D2HGDH: variants seen among roughly 807,000 people sequenced by gnomAD.
The protein encoded by D2HGDH is D-2-hydroxyglutarate dehydrogenase, mitochondrial.
A neutral mutation model predicts 46.9 loss-of-function variants in D2HGDH; 31 were observed. The ratio of observed to expected loss-of-function variants is 0.66; its 90% CI spans 0.50 to 0.89. The LOEUF is 0.89. D2HGDH is among the 40% of genes least tolerant of loss of function. The pLI, the probability that D2HGDH is intolerant of heterozygous loss-of-function variation, is 0.00. For missense variants in D2HGDH, 698 were observed against 720.8 expected, an observed-to-expected ratio of 0.97 and a Z score of 0.36; for synonymous variants, 364 against 332.6, an observed-to-expected ratio of 1.09 and a Z score of -1.03.
rs181005251 is a variant in D2HGDH, at chr2:241,757,544, A to C, written c.1306+1530A>C. On this transcript the variant is annotated intron_variant, in intron 9 of 9. Transcript: ENST00000321264. Reference sequence around the variant, plus strand: ...AGGGGTACGGGATCCCCAATATTTCAGAATATGACCTCAAGCCAGGAGGAG... The same window carrying C: ...AGGGGTACGGGATCCCCAATATTTCCGAATATGACCTCAAGCCAGGAGGAG... Among the ~76,000 whole-genome samples, 124 of 152,290 alleles carry C rather than the reference A, an allele frequency of 8.1e-4. 1 individual carries two copies. The highest frequency in any genetic ancestry group is 2.7e-3 in the African/African-American group (114 of 41,554).
intron 9 of D2HGDH, among the ~76,000 whole-genome samples, chr2:241,761,131 A>G (rs1698772541): frequency 2.0e-5 from 3 of 152,212 alleles, no homozygotes; most frequent in South Asian, 4.1e-4. Context: ...AGATTCAACC[A>G]TAAAAATAAC....
chr2:241,764,929 G>A (rs1412319005), intron 9 of D2HGDH, among the ~76,000 whole-genome samples: 1 of 152,170 alleles, frequency 6.6e-6, no homozygotes, highest in African/African-American at 2.4e-5. Context: ...TGACCTCTGA[G>A]GTCAGAAGAG....
At chr2:241,750,411 G>GA in intron 7 of D2HGDH, 117 bp downstream of exon 7, 1 of 1,106,434 alleles carries the variant, frequency 9.0e-7, no homozygotes. Flanking sequence ...GCGGGTGGGG[G>GA]GTCCCTGGGC....
chr2:241,754,231 GAGGCGAAAGCCGGCCTCGC>G (rs1159706765), intron 8 of D2HGDH, among the ~76,000 whole-genome samples: 2 of 152,252 alleles, frequency 1.3e-5, no homozygotes, highest in African/African-American at 4.8e-5. Flanking sequence ...CCAGACCATG[GAGGCGAAAGCCGGCCTCGC>G]AGCCGTGCCC....
intron 6 of D2HGDH, 101 bp downstream of exon 6, chr2:241,744,978 C>T: frequency 2.1e-6 from 3 of 1,421,546 alleles, no homozygotes; most frequent in Admixed American, 3.7e-5. Flanking sequence ...AGGGACCCCC[C>T]GCCAAGGACA....
At chr2:241,746,394 G>T (rs1575248411) in intron 6 of D2HGDH, among the ~76,000 whole-genome samples, 1 of 152,136 alleles carries the variant, frequency 6.6e-6, no homozygotes, top group African/African-American at 2.4e-5. Context: ...ATTTCTAAAA[G>T]TTTTGTTATT....
At chr2:241,736,200 A>G (rs1692767249) in intron 2 of D2HGDH, 1 of 152,398 alleles carries the variant, frequency 6.6e-6, no homozygotes, top group African/African-American at 2.4e-5. Context: ...AAAATAAATA[A>G]ATAAAAGTAG....
At chr2:241,759,397 G>A (rs1227926985) in intron 9 of D2HGDH, among the ~76,000 whole-genome samples, 4 of 152,194 alleles carry the variant, frequency 2.6e-5, no homozygotes, top group Non-Finnish European at 4.4e-5. Context: ...ATCTCCTAAC[G>A]CGATGGACTC....
chr2:241,744,797 C>T lies in D2HGDH; in HGVS notation c.773C>T (p.Ser258Leu), dbSNP rs754696671. The T allele has an allele frequency of 2.3e-5, 37 of 1,613,976 alleles. No homozygotes were observed. The highest frequency in any genetic ancestry group is 2.8e-5 in the Non-Finnish European group (33 of 1,180,002). The change falls in exon 6 of 10, where the codon TCG (serine) becomes TTG (leucine). Residue 258 changes from serine to leucine, a missense_variant. Ser to Leu is a moderately radical substitution (Grantham distance 145, BLOSUM62 -2). Coordinates refer to ENST00000321264, the MANE Select transcript of D2HGDH (RefSeq NM_152783.5). Reference protein sequence around the residue: ...GYDLKQLFIGSEGTLGIITTV... With the variant: ...GYDLKQLFIGLEGTLGIITTV... ...GACCTGAAGCAGCTGTTCATCGGGT[C>T]GGAGGGCACTTTGGGGATCATCACC...
In D2HGDH at chr2:241,735,220, C is replaced by G. The variant is rs1225046936; in HGVS notation, c.-5C>G. 4.6e-6 allele frequency: 7 copies of G among 1,508,104 alleles called. No homozygotes were observed. In the Admixed American group the frequency reaches 1.1e-4, roughly 23 times the overall value. 93.4% of individuals were successfully genotyped at this position (1,508,104 alleles called of 1,614,324 possible). ...GAGGAGCCCGAGGTCTCCGTCCCGGCGGCGATGCTGCCCCGTCGGCCTCTG... is the reference window on the plus strand; with the variant it reads ...GAGGAGCCCGAGGTCTCCGTCCCGGGGGCGATGCTGCCCCGTCGGCCTCTG... On this transcript the variant is annotated 5_prime_UTR_variant, in exon 2 of 10. Coordinates refer to ENST00000321264, the MANE Select transcript of D2HGDH (RefSeq NM_152783.5).
intron 2 of D2HGDH, among the ~76,000 whole-genome samples, chr2:241,740,712 C>T (rs1421084401): frequency 6.6e-6 from 1 of 152,126 alleles, no homozygotes; most frequent in African/African-American, 2.4e-5. Flanking sequence ...TTTGGGAGGC[C>T]GCAGTGGGCG....
Position 241,768,193 on chromosome 2 carries a change from T to C in D2HGDH, c.*224T>C, listed in dbSNP as rs1017054531. The C allele has an allele frequency of 2.4e-5, 17 of 698,170 alleles. No homozygotes were observed. In the East Asian group the frequency reaches 4.5e-4, roughly 18 times the overall value. 43.2% of individuals were successfully genotyped at this position (698,170 alleles called of 1,614,324 possible). A position where few individuals can be genotyped will look rare whatever the true frequency, so the allele number is the denominator to read the frequency against. ...AGGCACCCTCCTTTGCAGGGCGAGG[T>C]GGGGCCTCTGCAGCCATCCTGGACA... On this transcript the variant is annotated 3_prime_UTR_variant, in exon 10 of 10. Transcript: ENST00000321264.
At chr2:241,737,592 C>T (rs989277048) in intron 2 of D2HGDH, among the ~76,000 whole-genome samples, 2 of 152,162 alleles carry the variant, frequency 1.3e-5, no homozygotes, top group Admixed American at 6.5e-5. Context: ...TGGGGTCAAG[C>T]GATTTTCCTG....
intron 7 of D2HGDH, among the ~76,000 whole-genome samples, chr2:241,750,888 G>C (rs1441752767): frequency 6.6e-6 from 1 of 152,114 alleles, no homozygotes; most frequent in Admixed American, 6.6e-5. Context: ...CTCCTGAGTA[G>C]CTGGGATTAC....
Position 241,751,290 on chromosome 2 carries a change from G to A in D2HGDH, c.1042G>A (p.Gly348Ser), listed in dbSNP as rs779630303. 1.2e-6 allele frequency: 2 copies of A among 1,613,994 alleles called. No homozygotes were observed. The highest frequency in any genetic ancestry group is 1.7e-6 in the Non-Finnish European group (2 of 1,180,042). The change falls in exon 8 of 10, where the codon GGC becomes AGC. Residue 348 changes from glycine (G) to serine (S), a missense_variant. Transcript: ENST00000321264. The part of the protein sequence containing the change: ...VLIETSGSNA[G>S]HDAEKLGHFL... ...CATCGAGACTTCAGGCTCCAACGCA[G>A]GCCATGACGCTGAGAAGCTGGGCCA... is the stretch of plus-strand genomic sequence containing the variant.
intron 9 of D2HGDH, among the ~76,000 whole-genome samples, chr2:241,763,146 G>A (rs1344970927): frequency 6.6e-6 from 1 of 152,182 alleles, no homozygotes; most frequent in Non-Finnish European, 1.5e-5. Context: ...GCCGTTGCTC[G>A]GGAATACAGT....
intron 6 of D2HGDH, chr2:241,749,381 C>T: frequency 1.5e-5 from 19 of 1,271,612 alleles, no homozygotes; most frequent in Non-Finnish European, 1.9e-5. Context: ...TGCATTGCCT[C>T]CCTGTCTCGC....
In D2HGDH at chr2:241,768,047, G is replaced by A. The variant is rs1699299225; in HGVS notation, c.*78G>A. On this transcript the variant is annotated 3_prime_UTR_variant, in exon 10 of 10. Coordinates refer to ENST00000321264, the MANE Select transcript of D2HGDH (RefSeq NM_152783.5). ...GGCGGGGGTGTTGCGGTGGCTCTGA[G>A]GGATGAGCCGGCAGTGGGCAGGGGA... 6.7e-7 allele frequency: 1 copy of A among 1,491,354 alleles called. No individual in the cohort carries two copies. The highest frequency in any genetic ancestry group is 2.1e-5 in the Admixed American group (1 of 47,854). 92.4% of individuals were successfully genotyped at this position (1,491,354 alleles called of 1,614,324 possible).
At chr2:241,744,590 AT>A in intron 5 of D2HGDH, 118 bp from the exon 6 acceptor site, 1 of 1,257,834 alleles carries the variant, frequency 8.0e-7, no homozygotes, top group South Asian at 1.2e-5. Context: ...AGGAAAGTCC[AT>A]CCTTCAGCCT....
Sources: allele counts gnomAD v4.1 joint callset (sites outside exome capture counted in the v4.1 genomes callset), GRCh38; gene constraint gnomAD v4.1.1; transcripts MANE v1.5; gene names NCBI Gene and HGNC (gene_info 2026-07-23, HGNC 2026-07-21).